The following CNGB3 variants were observed in gnomAD, a reference collection of about 807,000 sequenced individuals.
CNGB3 encodes cyclic nucleotide-gated channel beta-3.
In CNGB3, 86 loss-of-function variants were observed where a neutral mutation model predicts 92.8. That is an observed-to-expected ratio of 0.93 (90% CI 0.78 to 1.11). CNGB3 has a LOEUF of 1.11. Ranked by LOEUF, CNGB3 falls within the 50% of genes least tolerant of loss-of-function variation. The pLI is 0.00. For missense variants in CNGB3, 1,026 were observed against 956.8 expected (o/e 1.07, Z -0.95); for synonymous variants, 333 against 332.7 (o/e 1.00, Z -0.01).
intron 15 of CNGB3, among the ~76,000 whole-genome samples, chr8:86,591,525 A>T (rs1303831925): frequency 1.0e-4 from 15 of 147,896 alleles, no homozygotes; most frequent in African/African-American, 3.5e-4. Flanking sequence ...TTTGGTGTGG[A>T]TGTCCTTTCT....
chr8:86,717,285 G>A (rs1824873377), intron 3 of CNGB3, among the ~76,000 whole-genome samples: 2 of 152,024 alleles, frequency 1.3e-5, no homozygotes, highest in African/African-American at 4.8e-5. Flanking sequence ...CTTTAGACTG[G>A]GCGTGGTGGC....
At chr8:86,694,317 C>T (rs1170296920) in intron 3 of CNGB3, among the ~76,000 whole-genome samples, 1 of 148,698 alleles carries the variant, frequency 6.7e-6, no homozygotes, top group Admixed American at 6.7e-5. Context: ...AGGCGCCCCT[C>T]ACCTCCCGGA....
chr8:86,687,616 G>A (rs567704088), intron 3 of CNGB3, among the ~76,000 whole-genome samples: 1 of 152,120 alleles, frequency 6.6e-6, no homozygotes, highest in East Asian at 1.9e-4. Context: ...GACAGAGGTG[G>A]CAGTTGCGCA....
chr8:86,710,483 G>A (rs1824728985), intron 3 of CNGB3, among the ~76,000 whole-genome samples: 1 of 151,948 alleles, frequency 6.6e-6, no homozygotes, highest in African/African-American at 2.4e-5. Context: ...AAGATCTTAA[G>A]AAACACAGTA....
At chr8:86,639,933 C>T (rs750840689) in intron 10 of CNGB3, among the ~76,000 whole-genome samples, 1 of 151,934 alleles carries the variant, frequency 6.6e-6, no homozygotes, top group Admixed American at 6.6e-5. Flanking sequence ...TGTATGATAA[C>T]AAGGCTGTGG....
At chr8:86,594,405 C>G (rs1322972876) in intron 15 of CNGB3, 5 of 287,810 alleles carry the variant, frequency 1.7e-5, no homozygotes, top group African/African-American at 9.1e-5. Flanking sequence ...CCAAACCAGG[C>G]GTGCTTGCTC....
chr8:86,670,008 C>T (rs1027082414), intron 4 of CNGB3, among the ~76,000 whole-genome samples: 1 of 152,046 alleles, frequency 6.6e-6, no homozygotes, highest in Non-Finnish European at 1.5e-5. Flanking sequence ...TGCCACCATG[C>T]CTTTCTGATT....
intron 6 of CNGB3, among the ~76,000 whole-genome samples, chr8:86,656,504 G>A (rs1057188771): frequency 3.3e-5 from 5 of 152,076 alleles, no homozygotes; most frequent in Non-Finnish European, 7.4e-5. Context: ...CATGCTTACC[G>A]GTAACAATTA....
chr8:86,684,507 G>A (rs956660787), intron 3 of CNGB3, among the ~76,000 whole-genome samples: 1 of 151,996 alleles, frequency 6.6e-6, no homozygotes, highest in Non-Finnish European at 1.5e-5. Context: ...ATTTATCCTG[G>A]AGAAATAAAA....
Position 86,574,889 on chromosome 8 carries a change from C to T in CNGB3, c.*915G>A, listed in dbSNP as rs189446254. 6.6e-6 allele frequency: 1 copy of T among 150,486 alleles called. No individual in the cohort carries two copies. The highest frequency in any genetic ancestry group is 1.5e-5 in the Non-Finnish European group (1 of 67,314). 9.3% of individuals were successfully genotyped at this position (150,486 alleles called of 1,614,324 possible). A position where few individuals can be genotyped will look rare whatever the true frequency, so the allele number is the denominator to read the frequency against. ...CCGGAAATTGTGGGGATATGTCAATCTGACATGTGTAGAGTCTGCCTTCCT... is the reference window on the plus strand; with the variant it reads ...CCGGAAATTGTGGGGATATGTCAATTTGACATGTGTAGAGTCTGCCTTCCT... On this transcript the variant is annotated 3_prime_UTR_variant, in exon 18 of 18. Coordinates refer to ENST00000320005, the MANE Select transcript of CNGB3 (RefSeq NM_019098.5).
rs138187975 is a variant in CNGB3 at position 86,714,751 on chromosome 8, C to T, written c.338+11780G>A. Among the ~76,000 whole-genome samples the T allele has an allele frequency of 2.6e-3, 396 of 152,274 alleles. 1 individual carries two copies. The highest frequency in any genetic ancestry group is 8.9e-3 in the African/African-American group (370 of 41,562). On this transcript the variant is annotated intron_variant, in intron 3 of 17. Transcript: ENST00000320005. ...AGGAGACTAGTGGTCTGGGCAAGTT[C>T]TCAGCCCTGGTCACTGGCTGCCTGG...
chr8:86,674,730 C>T (rs1262563957), intron 3 of CNGB3, among the ~76,000 whole-genome samples: 1 of 152,058 alleles, frequency 6.6e-6, no homozygotes, highest in Non-Finnish European at 1.5e-5. Context: ...TTTTGGTAAA[C>T]AGTAAAAATA....
At chr8:86,656,039 T>A (rs1823500180) in intron 6 of CNGB3, among the ~76,000 whole-genome samples, 1 of 152,188 alleles carries the variant, frequency 6.6e-6, no homozygotes, top group Admixed American at 6.5e-5. Context: ...CACTACTGAC[T>A]TTTTTGGCTA....
intron 10 of CNGB3, among the ~76,000 whole-genome samples, chr8:86,641,573 T>C (rs1041724952): frequency 7.9e-5 from 12 of 152,072 alleles, no homozygotes; most frequent in Non-Finnish European, 1.5e-4. Flanking sequence ...TCCCCAAAAC[T>C]GCCACTCCTT....
At chr8:86,644,968 C>CT (rs1382067538) in intron 8 of CNGB3, among the ~76,000 whole-genome samples, 12 of 150,862 alleles carry the variant, frequency 8.0e-5, no homozygotes, top group Middle Eastern at 3.4e-3. Context: ...CATTGTTTTC[C>CT]TTTTTGTTTT....
At chr8:86,640,115 G>A (rs1241440572) in intron 10 of CNGB3, among the ~76,000 whole-genome samples, 1 of 151,882 alleles carries the variant, frequency 6.6e-6, no homozygotes, top group East Asian at 1.9e-4. Flanking sequence ...TATTGTTTCT[G>A]GTTACTTGAC....
At chr8:86,637,709 A>T (rs980961156) in intron 10 of CNGB3, among the ~76,000 whole-genome samples, 11 of 152,066 alleles carry the variant, frequency 7.2e-5, no homozygotes, top group Non-Finnish European at 1.3e-4. Context: ...ATTCTTTTTG[A>T]TGCTTAATTT....
chr8:86,688,959 C>A (rs972998527), intron 3 of CNGB3, among the ~76,000 whole-genome samples: 2 of 151,678 alleles, frequency 1.3e-5, no homozygotes, highest in African/African-American at 4.8e-5. Context: ...ACTGATTTCA[C>A]CATAGGCCAC....
At chr8:86,657,079 G>C (rs1229216957) in intron 6 of CNGB3, among the ~76,000 whole-genome samples, 1 of 152,200 alleles carries the variant, frequency 6.6e-6, no homozygotes, top group East Asian at 1.9e-4. Context: ...GAAGATGGGA[G>C]CCCCCGTGAA....
Sources: gnomAD v4.1 joint callset for allele counts (sites outside exome capture counted in the v4.1 genomes callset) on GRCh38, gnomAD v4.1.1 for gene constraint, MANE v1.5 for transcripts, NCBI Gene and HGNC (gene_info 2026-07-23, HGNC 2026-07-21) for gene names.